The following DPP6 variants were observed in gnomAD, a reference collection of about 807,000 sequenced individuals.
DPP6 encodes dipeptidyl peptidase like 6.
Under a neutral mutation model 122.6 loss-of-function variants are expected in DPP6, and 69 were observed. That is an observed-to-expected ratio of 0.56 (90% CI 0.46 to 0.69). The LOEUF (loss-of-function observed/expected upper bound fraction) is 0.69, where lower values mean the gene tolerates loss of function less well. Among genes scored for constraint, DPP6 ranks in the 30% least tolerant of loss-of-function variants. DPP6 has a pLI of 0.00. For synonymous variants in DPP6, 418 were observed against 433.1 expected (o/e 0.97, Z 0.43); for missense variants, 928 against 1,116.9 (o/e 0.83, Z 2.41).
chr7:154,535,823 CCACTA>C (rs914706148), intron 3 of DPP6, among the ~76,000 whole-genome samples: 38 of 152,198 alleles, frequency 2.5e-4, no homozygotes, highest in African/African-American at 8.7e-4. Context: ...CAGTGAGATA[CCACTA>C]CACACCTGCT....
intron 1 of DPP6, among the ~76,000 whole-genome samples, chr7:153,963,215 G>A (rs1223972529): frequency 6.6e-6 from 1 of 152,042 alleles, no homozygotes; most frequent in African/African-American, 2.4e-5. Context: ...AAAGAACAGA[G>A]TAAAGTCCAA....
At chr7:154,399,385 A>G (rs757612632) in intron 1 of DPP6, among the ~76,000 whole-genome samples, 48 of 152,172 alleles carry the variant, frequency 3.2e-4, no homozygotes, top group Admixed American at 1.4e-3. Context: ...TTTTGTATTT[A>G]TATTGGATAA....
At chr7:154,665,397 A>G (rs1838084810) in intron 6 of DPP6, among the ~76,000 whole-genome samples, 1 of 152,186 alleles carries the variant, frequency 6.6e-6, no homozygotes, top group Non-Finnish European at 1.5e-5. Flanking sequence ...CAGTACTAAC[A>G]TTAATTTTTG....
intron 1 of DPP6, among the ~76,000 whole-genome samples, chr7:153,923,305 T>C (rs1800729607): frequency 6.6e-6 from 1 of 152,224 alleles, no homozygotes; most frequent in African/African-American, 2.4e-5. Flanking sequence ...TTAAGATGCC[T>C]AATGCCAGGT....
intron 5 of DPP6, among the ~76,000 whole-genome samples, chr7:154,617,980 G>A (rs1834375814): frequency 6.6e-6 from 1 of 152,132 alleles, no homozygotes; most frequent in Non-Finnish European, 1.5e-5. Context: ...CGAGAGCTAG[G>A]CCATAGGGGC....
Position 154,877,881 on chromosome 7 carries a change from G to T in DPP6, c.2078+1781G>T, listed in dbSNP as rs1192941521. On this transcript the variant is annotated intron_variant, in intron 20 of 25. Transcript: ENST00000377770. This position sits in a 1 kb window ranked among gnomAD's most constrained non-coding sequence, Gnocchi z 5.2. ...GGTGACAAGGGAATGCTGGGGTTCA[G>T]TGTGGAAGGAGGATGGGTGGGTGGC... Among the ~76,000 whole-genome samples the T allele has an allele frequency of 6.6e-6, 1 of 152,208 alleles. No homozygotes were observed. Among genetic ancestry groups the T allele is most frequent in the Non-Finnish European group, 1.5e-5 (1 of 68,044 alleles).
chr7:154,741,596 T>C (rs1050909728), intron 8 of DPP6, among the ~76,000 whole-genome samples: 1 of 152,250 alleles, frequency 6.6e-6, no homozygotes, highest in Non-Finnish European at 1.5e-5. Context: ...ACCATGCCTA[T>C]AAAGTATTGG....
At chr7:154,728,358 C>T (rs1356882280) in intron 8 of DPP6, among the ~76,000 whole-genome samples, 3 of 152,212 alleles carry the variant, frequency 2.0e-5, no homozygotes, top group South Asian at 4.1e-4. Context: ...GAGTGACTTG[C>T]TGCTGAGAGC....
In DPP6 at chr7:154,033,079, C is replaced by T. The variant is rs191733685; in HGVS notation, c.51+145345C>T. ...CTAAACAGTTAAGTCTACATAGTTCCTGGGTGGTAAGTGATTTCCCTGTAT... is the reference window on the plus strand; with the variant it reads ...CTAAACAGTTAAGTCTACATAGTTCTTGGGTGGTAAGTGATTTCCCTGTAT... On this transcript the variant is annotated intron_variant, in intron 1 of 25. Coordinates refer to the DPP6 transcript ENST00000404039. Among the ~76,000 whole-genome samples the T allele has an allele frequency of 5.9e-4, 88 of 150,102 alleles. 2 individuals are homozygous for T. Among genetic ancestry groups the T allele is most frequent in the African/African-American group, 2.1e-3 (83 of 39,504 alleles).
chr7:153,837,751 G>T, the DPP6 span, among the ~76,000 whole-genome samples: 1 of 150,820 alleles, frequency 6.6e-6, no homozygotes, highest in African/African-American at 2.4e-5. Flanking sequence ...GCAGTGGCAA[G>T]ATCTGCAACC....
chr7:154,316,815 G>C (rs1010806616), intron 1 of DPP6, among the ~76,000 whole-genome samples: 5 of 152,138 alleles, frequency 3.3e-5, no homozygotes, highest in African/African-American at 2.4e-5. Flanking sequence ...CGTACAGTTT[G>C]GGAGAATGGG....
intron 1 of DPP6, among the ~76,000 whole-genome samples, chr7:154,054,874 G>A (rs190271495): frequency 8.2e-4 from 123 of 150,798 alleles, no homozygotes; most frequent in Non-Finnish European, 2.7e-4. Flanking sequence ...AGAAAGGAAA[G>A]GCAAGAGCTC....
Position 154,566,904 on chromosome 7 carries a change from C to T in DPP6, c.615C>T (p.Tyr205=). 1 of 1,605,086 alleles carries T rather than the reference C, an allele frequency of 6.2e-7. No individual in the cohort carries two copies. Among genetic ancestry groups the T allele is most frequent in the Non-Finnish European group, 8.5e-7 (1 of 1,173,208 alleles). The change falls in exon 5 of 26, where the codon TAC becomes TAT. Residue 205 remains tyrosine (Y), a synonymous_variant. Coordinates refer to ENST00000377770, the MANE Select transcript of DPP6 (RefSeq NM_130797.4). Reference sequence around the variant, plus strand: ...ATAGAGAGTATGCACTTTTTTCATACAATGTGGAACCCGTGAGTATTATCC... The same window carrying T: ...ATAGAGAGTATGCACTTTTTTCATATAATGTGGAACCCGTGAGTATTATCC... ...SPDREYALFS[Y]NVEPIYQHSY... is the part of the protein sequence containing the mutation.
chr7:154,140,645 G>A (rs1211247907), intron 1 of DPP6, among the ~76,000 whole-genome samples: 2 of 152,098 alleles, frequency 1.3e-5, no homozygotes, highest in Non-Finnish European at 2.9e-5. Flanking sequence ...GTACAAGGAG[G>A]ATTCAGCTTA....
the DPP6 span, among the ~76,000 whole-genome samples, chr7:153,866,872 A>T: frequency 3.9e-5 from 6 of 152,216 alleles, no homozygotes; most frequent in South Asian, 6.2e-4. Context: ...ACATATGGCT[A>T]GCCAGTTTTC....
intron 1 of DPP6, among the ~76,000 whole-genome samples, chr7:153,956,489 C>T (rs955978088): frequency 6.6e-6 from 1 of 152,164 alleles, no homozygotes; most frequent in Non-Finnish European, 1.5e-5. Flanking sequence ...CTTCCTCTTA[C>T]CTCTGCAGCA....
At chr7:154,857,271 A>G (rs1298898649) in intron 17 of DPP6, among the ~76,000 whole-genome samples, 3 of 152,212 alleles carry the variant, frequency 2.0e-5, no homozygotes, top group Admixed American at 2.0e-4. Context: ...TGTTACATTC[A>G]GACTTCATGA....
intron 1 of DPP6, among the ~76,000 whole-genome samples, chr7:154,271,417 T>A (rs1803782475): frequency 6.6e-6 from 1 of 152,154 alleles, no homozygotes; most frequent in Non-Finnish European, 1.5e-5. Context: ...TACTGTGATT[T>A]GCTATTTTCC....
chr7:154,103,830 G>A (rs10230946), intron 1 of DPP6, among the ~76,000 whole-genome samples: 2,655 of 152,238 alleles, frequency 0.017, 36 homozygotes, highest in African/African-American at 0.062. Flanking sequence ...CGGTTCCTCC[G>A]CCTTTGGACT....
Sources: gnomAD v4.1 joint callset for allele counts (sites outside exome capture counted in the v4.1 genomes callset) on GRCh38, gnomAD v4.1.1 for gene constraint, Gnocchi (gnomAD v3.1) non-coding constraint, MANE v1.5 for transcripts, NCBI Gene and HGNC (gene_info 2026-07-23, HGNC 2026-07-21) for gene names.